Variants in MAGI1 observed in about 807,000 individuals in gnomAD.
The protein encoded by MAGI1 is membrane-associated guanylate kinase, WW and PDZ domain-containing protein 1.
A neutral mutation model predicts 139.9 loss-of-function variants in MAGI1; 58 were observed. The observed-to-expected ratio is 0.41, with a 90% CI of 0.34 to 0.52. The LOEUF is 0.52. Ranked by LOEUF, MAGI1 falls within the 20% of genes least tolerant of loss-of-function variation. MAGI1 has a pLI of 0.12. For synonymous variants in MAGI1, 812 were observed against 737.9 expected (o/e 1.10, Z -1.63); for missense variants, 1,874 against 1,901.6 (o/e 0.99, Z 0.27).
intron 1 of MAGI1, among the ~76,000 whole-genome samples, chr3:65,658,105 C>G (rs1290116413): frequency 6.6e-6 from 1 of 152,126 alleles, no homozygotes; most frequent in Admixed American, 6.5e-5. Flanking sequence ...AAATCACGAA[C>G]TTTATCATGT....
At chr3:65,722,299 C>T (rs2107692181) in intron 1 of MAGI1, among the ~76,000 whole-genome samples, 1 of 152,246 alleles carries the variant, frequency 6.6e-6, no homozygotes, top group South Asian at 2.1e-4. Flanking sequence ...AATGGGAAAA[C>T]TCTGGGAAAC....
chr3:65,693,766 C>T (rs1452638494), intron 1 of MAGI1, among the ~76,000 whole-genome samples: 1 of 152,036 alleles, frequency 6.6e-6, no homozygotes. Context: ...TTCTGTCACC[C>T]AGGCTGGAGT....
At chr3:65,638,597 ATTTT>A (rs1173086138) in intron 1 of MAGI1, among the ~76,000 whole-genome samples, 45 of 41,000 alleles carry the variant, frequency 1.1e-3, no homozygotes, top group Admixed American at 2.4e-3. Flanking sequence ...TGCTCTCCTG[ATTTT>A]TTTTTTTTTT....
At chr3:65,682,993 T>C (rs1224799452) in intron 1 of MAGI1, among the ~76,000 whole-genome samples, 1 of 151,762 alleles carries the variant, frequency 6.6e-6, no homozygotes, top group Non-Finnish European at 1.5e-5. Flanking sequence ...TCATAAAGAG[T>C]GCACATCCTA....
chr3:65,716,251 T>C (rs1447494500), intron 1 of MAGI1, among the ~76,000 whole-genome samples: 1 of 152,208 alleles, frequency 6.6e-6, no homozygotes, highest in African/African-American at 2.4e-5. Context: ...GACTGTTGTG[T>C]ATGCTACAGG....
chr3:65,431,683 G>A (rs1947465345), intron 10 of MAGI1, among the ~76,000 whole-genome samples: 3 of 152,026 alleles, frequency 2.0e-5, no homozygotes, highest in Non-Finnish European at 4.4e-5. Flanking sequence ...AAATTCAGCT[G>A]TCTTATTTAA....
Position 65,356,909 on chromosome 3 carries a change from C to A in MAGI1, c.3858G>T (p.Ser1286=). Residue 1286 remains serine, a synonymous_variant, in exon 23 of 23, where the codon TCG becomes TCT. Transcript: ENST00000402939. ...PNEHHTWNGT[S]RKPDSGACRP... is the part of the protein sequence containing the mutation. ...GGCATGCCCCGCTGTCGGGTTTCCT[C>A]GAAGTCCCATTCCAGGTGTGGTGTT... is the stretch of plus-strand genomic sequence containing the variant. 1.2e-6 allele frequency: 2 copies of A among 1,614,144 alleles called. No individual in the cohort carries two copies. The highest frequency in any genetic ancestry group is 1.6e-4 in the Middle Eastern group (1 of 6,062).
intron 2 of MAGI1, among the ~76,000 whole-genome samples, chr3:65,564,483 G>A (rs755186368): frequency 6.4e-4 from 97 of 152,270 alleles, no homozygotes; most frequent in Middle Eastern, 6.8e-3. Flanking sequence ...ATTTTAAAAA[G>A]AGATGGCTTA....
At chr3:65,633,444 A>G (rs1347458030) in intron 1 of MAGI1, among the ~76,000 whole-genome samples, 1 of 152,230 alleles carries the variant, frequency 6.6e-6, no homozygotes, top group Admixed American at 6.5e-5. Context: ...GATGAAGCTC[A>G]AGAAGCTACT....
At position 65,429,798 on chromosome 3, in the gene MAGI1, G is replaced by A; in HGVS notation, c.1889C>T (p.Ser630Phe). 1 of 1,613,994 alleles carries A rather than the reference G, an allele frequency of 6.2e-7. No individual in the cohort carries two copies. Among genetic ancestry groups the A allele is most frequent in the Non-Finnish European group, 8.5e-7 (1 of 1,179,960 alleles). ...CTGAGTGGCTATGGAGGAAGCCAAA[G>A]AAACAGTGTCATTAGGATAACCATG... Reference protein sequence around the residue: ...SSHGYPNDTVSLASSIATQPE... With the variant: ...SSHGYPNDTVFLASSIATQPE... Residue 630 changes from serine (S) to phenylalanine (F), a missense_variant, in exon 12 of 23, where the codon TCT (serine) becomes TTT (phenylalanine). This residue lies in a region of MAGI1 where 482 missense variants were observed against 509.6 expected (regional missense o/e 0.95). Transcript: ENST00000402939.
chr3:65,979,691 G>A (rs10510949), intron 1 of MAGI1, among the ~76,000 whole-genome samples: 13,745 of 152,178 alleles, frequency 0.09, 701 homozygotes, highest in South Asian at 0.14. Context: ...GCAAAGAGTC[G>A]ATAGGTAGAT....
At chr3:65,553,314 G>T in intron 2 of MAGI1, among the ~76,000 whole-genome samples, 1 of 151,800 alleles carries the variant, frequency 6.6e-6, no homozygotes. Flanking sequence ...CTCTGTGGTA[G>T]GTATGAGCCT....
At chr3:65,387,325 C>T (rs1575581898) in intron 14 of MAGI1, 1 of 830,678 alleles carries the variant, frequency 1.2e-6, no homozygotes, top group South Asian at 1.5e-5. Flanking sequence ...GTCAGTTCAG[C>T]TTTCACAATA....
intron 1 of MAGI1, among the ~76,000 whole-genome samples, chr3:66,030,270 A>G (rs1218190842): frequency 6.6e-6 from 1 of 152,214 alleles, no homozygotes; most frequent in African/African-American, 2.4e-5. Context: ...GTGATCCATC[A>G]TCAGTCACCT....
intron 1 of MAGI1, among the ~76,000 whole-genome samples, chr3:65,693,533 C>G (rs1395046730): frequency 1.3e-5 from 2 of 152,040 alleles, no homozygotes; most frequent in Non-Finnish European, 2.9e-5. Context: ...GAGGGAAATG[C>G]CCACAATCAT....
At chr3:65,498,759 C>G (rs2076971425) in intron 2 of MAGI1, among the ~76,000 whole-genome samples, 1 of 152,186 alleles carries the variant, frequency 6.6e-6, no homozygotes, top group African/African-American at 2.4e-5. Flanking sequence ...TGTTCCATAT[C>G]TGTGCTGTCT....
intron 1 of MAGI1, among the ~76,000 whole-genome samples, chr3:65,770,202 T>C (rs895905612): frequency 6.6e-6 from 1 of 152,242 alleles, no homozygotes; most frequent in Non-Finnish European, 1.5e-5. Flanking sequence ...AAGGCCTATG[T>C]GGCCATTCAG....
intron 1 of MAGI1, among the ~76,000 whole-genome samples, chr3:65,916,771 T>C (rs953408841): frequency 1.3e-5 from 2 of 151,800 alleles, no homozygotes; most frequent in African/African-American, 4.8e-5. Flanking sequence ...AGTACATGTA[T>C]CATACACACA....
At chr3:65,390,163 G>A (rs1943794427) in intron 14 of MAGI1, among the ~76,000 whole-genome samples, 1 of 152,168 alleles carries the variant, frequency 6.6e-6, no homozygotes, top group Non-Finnish European at 1.5e-5. Context: ...TCTCGATGGG[G>A]ACCCTGCTGA....
Sources: allele counts gnomAD v4.1 joint callset (sites outside exome capture counted in the v4.1 genomes callset), GRCh38; gene constraint gnomAD v4.1.1; regional missense constraint gnomAD v4.1.1; transcripts MANE v1.5; gene names NCBI Gene and HGNC (gene_info 2026-07-23, HGNC 2026-07-21).